CROCC2: variants seen among roughly 807,000 people sequenced by gnomAD.
The protein encoded by CROCC2 is ciliary rootlet coiled-coil protein 2.
In CROCC2, 163 loss-of-function variants were observed where a neutral mutation model predicts 177.6. That is an observed-to-expected ratio of 0.92 (90% CI 0.81 to 1.05). CROCC2 has a LOEUF of 1.05. CROCC2 is among the 50% of genes least tolerant of loss of function. The probability of loss-of-function intolerance (pLI) is 0.00; values close to 1 mark genes in which losing one functional copy is unlikely to be tolerated. For synonymous variants in CROCC2, 904 were observed against 787.3 expected (o/e 1.15, Z -2.48); for missense variants, 1,929 against 1,797.8 (o/e 1.07, Z -1.32).
intron 13 of CROCC2, 86 bp from the exon 14 acceptor site, chr2:240,935,272 G>A: frequency 2.4e-6 from 3 of 1,263,562 alleles, no homozygotes; most frequent in Non-Finnish European, 3.1e-6. Flanking sequence ...GGAAGACAGT[G>A]CCCCGGGGCA....
In CROCC2 at chr2:240,960,460, G is replaced by A. The variant is rs984674595; in HGVS notation, c.3087+1016G>A. On this transcript the variant is annotated intron_variant, in intron 20 of 31. Transcript: ENST00000690015. The surrounding 1 kb of genome is among the most constrained non-coding windows in gnomAD (Gnocchi z 5.0). Reference sequence around the variant, plus strand: ...AGGGCTAGGCTCACCTGGGCTCAGCGGGCAGGCAGATTGGAGAGGCATTTC... The same window carrying A: ...AGGGCTAGGCTCACCTGGGCTCAGCAGGCAGGCAGATTGGAGAGGCATTTC... Among the ~76,000 whole-genome samples the A allele has an allele frequency of 1.3e-5, 2 of 152,014 alleles. No individual in the cohort carries two copies. The highest frequency in any genetic ancestry group is 2.4e-5 in the African/African-American group (1 of 41,406).
At chr2:240,961,635 T>G (rs2059636140) in intron 20 of CROCC2, among the ~76,000 whole-genome samples, 2 of 108,726 alleles carry the variant, frequency 1.8e-5, no homozygotes, top group African/African-American at 3.7e-5. Context: ...ATGCACACGC[T>G]CATCACACAC....
At chr2:240,961,640 A>G (rs1385666697) in intron 20 of CROCC2, among the ~76,000 whole-genome samples, 1 of 144,112 alleles carries the variant, frequency 6.9e-6, no homozygotes, top group Non-Finnish European at 1.5e-5. Flanking sequence ...CACGCTCATC[A>G]CACACGCTCA....
rs938046069 is a variant in CROCC2 at position 240,959,297 on chromosome 2, G to T, written c.2944-4G>T. On this transcript the variant is annotated splice_region_variant and splice_polypyrimidine_tract_variant and intron_variant, in intron 19 of 31. Coordinates refer to ENST00000690015, the MANE Select transcript of CROCC2 (RefSeq NM_001351305.2). ...TGCCACCGTGGGCTCCCTTCTCCCCGCAGGCCACCATCAGTGCCACGACTG... is the reference window on the plus strand; with the variant it reads ...TGCCACCGTGGGCTCCCTTCTCCCCTCAGGCCACCATCAGTGCCACGACTG... 5 of 1,549,794 alleles carry T rather than the reference G, an allele frequency of 3.2e-6. No individual in the cohort carries two copies. In the South Asian group the frequency reaches 4.8e-5, roughly 15 times the overall value.
intron 5 of CROCC2, among the ~76,000 whole-genome samples, chr2:240,926,836 G>A (rs905532322): frequency 5.3e-5 from 8 of 152,262 alleles, no homozygotes; most frequent in African/African-American, 1.9e-4. Flanking sequence ...AGCGGGAGCC[G>A]TGCTATCAGC....
chr2:240,982,570 A>G lies in CROCC2; in HGVS notation c.4402-310A>G, dbSNP rs528854822. 2.0e-5 allele frequency: 5 copies of G among 244,464 alleles called. No homozygotes were observed. The highest frequency in any genetic ancestry group is 3.9e-5 in the Non-Finnish European group (5 of 128,572). 15.1% of individuals were successfully genotyped at this position (244,464 alleles called of 1,614,324 possible). On this transcript the variant is annotated intron_variant, in intron 27 of 31. Coordinates refer to ENST00000690015, the MANE Select transcript of CROCC2 (RefSeq NM_001351305.2). The surrounding 1 kb of genome is among the most constrained non-coding windows in gnomAD (Gnocchi z 4.7). ...AGGCTGGAGGCAGGGCAGGGATGCC[A>G]CTGATGTGCCCTCTGAGACCACTGG...
chr2:240,966,993 T>C (rs1288848754), intron 25 of CROCC2, among the ~76,000 whole-genome samples: 2 of 151,254 alleles, frequency 1.3e-5, no homozygotes, highest in Non-Finnish European at 2.9e-5. Context: ...CCGTCTGCAC[T>C]CAGCCCCAAG....
At chr2:240,964,145 C>T in intron 21 of CROCC2, 1 of 538,288 alleles carries the variant, frequency 1.9e-6, no homozygotes, top group Admixed American at 3.2e-5. Flanking sequence ...TGGCACAGCC[C>T]TCACAGCAGG....
In CROCC2 at chr2:240,984,437, C is replaced by G. The variant is rs1009590623; in HGVS notation, c.4551+1408C>G. 2.6e-5 allele frequency among the ~76,000 whole-genome samples: 4 copies of G among 151,836 alleles called. 1 individual carries two copies. Among genetic ancestry groups the G allele is most frequent in the African/African-American group, 9.7e-5 (4 of 41,262 alleles). On this transcript the variant is annotated intron_variant, in intron 28 of 31. Transcript: ENST00000690015. Reference sequence around the variant, plus strand: ...AGCTTCTGGGAGCCTGCACCCCAGCCGTCACTCTGGGCCCACCGAGGAGGA... The same window carrying G: ...AGCTTCTGGGAGCCTGCACCCCAGCGGTCACTCTGGGCCCACCGAGGAGGA...
intron 5 of CROCC2, among the ~76,000 whole-genome samples, chr2:240,927,399 C>T (rs183101095): frequency 6.6e-5 from 10 of 152,202 alleles, no homozygotes; most frequent in South Asian, 2.1e-4. Context: ...CTCTGAGCTC[C>T]GGCTAGACAT....
intron 31 of CROCC2, 49 bp from the exon 32 acceptor site, chr2:240,993,017 G>A (rs34355701): frequency 1.4e-6 from 1 of 713,574 alleles, no homozygotes; most frequent in East Asian, 2.7e-5. Flanking sequence ...GAGCCCCCAT[G>A]TGTCCCCGGG....
In CROCC2 at chr2:240,934,916, G is replaced by C; in HGVS notation, c.1792G>C (p.Ala598Pro). The change falls in exon 13 of 32, where the codon GCC (alanine) becomes CCC (proline). Residue 598 changes from alanine to proline, a missense_variant and splice_region_variant. Physicochemically the swap from Ala to Pro is conservative, Grantham distance 27. This residue lies in a region of CROCC2 where 1,397 missense variants were observed against 1,239.9 expected (regional missense o/e 1.13). Transcript: ENST00000690015. Reference protein sequence around the residue: ...REGLRSALARAECSNADLELL... With the variant: ...REGLRSALARPECSNADLELL... ...CCTGGCATCCCCCTCCCTGCCCCAG[G>C]CCGAGTGCAGCAATGCGGACCTGGA... The C allele has an allele frequency of 2.6e-6, 4 of 1,509,648 alleles. No individual in the cohort carries two copies. Among genetic ancestry groups the C allele is most frequent in the Non-Finnish European group, 3.5e-6 (4 of 1,128,504 alleles). 93.5% of individuals were successfully genotyped at this position (1,509,648 alleles called of 1,614,324 possible).
chr2:240,910,191 GC>G (rs915628531), intron 1 of CROCC2, among the ~76,000 whole-genome samples: 50 of 152,240 alleles, frequency 3.3e-4, no homozygotes, highest in African/African-American at 1.2e-3. Flanking sequence ...GGAGTGCAAA[GC>G]CCCCTGAAAT....
Position 240,964,459 on chromosome 2 carries a change from T to C in CROCC2, c.3306-7T>C. The C allele has an allele frequency of 6.5e-7, 1 of 1,548,334 alleles. No individual in the cohort carries two copies. The highest frequency in any genetic ancestry group is 8.7e-7 in the Non-Finnish European group (1 of 1,146,734). ...GCGGGGGCCCCAGCCTGTGGCACCC[T>C]CGTCAGTTTTAAGCGGTCCAAGGAG... On this transcript the variant is annotated splice_region_variant and splice_polypyrimidine_tract_variant and intron_variant, in intron 21 of 31. Transcript: ENST00000690015.
In CROCC2 at chr2:240,925,881, G is replaced by A; in HGVS notation, c.645+1G>A. The A allele has an allele frequency of 1.4e-6, 1 of 711,484 alleles. No individual in the cohort carries two copies. Among genetic ancestry groups the A allele is most frequent in the South Asian group, 1.5e-5 (1 of 67,148 alleles). 44.1% of individuals were successfully genotyped at this position (711,484 alleles called of 1,614,324 possible). The stretch of plus-strand genomic sequence containing the variant: ...GCTGAGGCGCTGGGCCCAGAGACAG[G>A]TGCTCCCCCAACCCTTGCTCACCTC... On this transcript the variant is annotated splice_donor_variant, in intron 5 of 31. Coordinates refer to ENST00000690015, the MANE Select transcript of CROCC2 (RefSeq NM_001351305.2). LOFTEE classifies it high-confidence loss of function.
chr2:240,919,413 T>C (rs2059343853), intron 2 of CROCC2, among the ~76,000 whole-genome samples: 1 of 152,146 alleles, frequency 6.6e-6, no homozygotes, highest in Non-Finnish European at 1.5e-5. Flanking sequence ...CTGCCTGTCC[T>C]GCACCCGCCC....
At chr2:240,977,048 C>T (rs2059771437) in intron 27 of CROCC2, among the ~76,000 whole-genome samples, 1 of 56,194 alleles carries the variant, frequency 1.8e-5, no homozygotes, top group Non-Finnish European at 3.3e-5. Flanking sequence ...CATCCCTGCT[C>T]AAGCTCTGGG....
chr2:240,967,626 G>T lies in CROCC2; in HGVS notation c.4267+161G>T. ...AAACCACCAGGCCTGGCGAGGCTGG[G>T]TCAGCGCTTGGCATCGGAGTTCTCA... On this transcript the variant is annotated intron_variant, in intron 26 of 31. Transcript: ENST00000690015. 4.1e-6 allele frequency: 4 copies of T among 972,458 alleles called. No individual in the cohort carries two copies. The Middle Eastern group carries it at 1.6e-3, about 384-fold the overall frequency. The allele number at this position is 972,458 out of a possible 1,614,324, so 60.2% of individuals were successfully genotyped here.
intron 28 of CROCC2, among the ~76,000 whole-genome samples, chr2:240,986,799 G>C (rs554542243): frequency 2.0e-5 from 3 of 152,352 alleles, no homozygotes; most frequent in Admixed American, 6.5e-5. Flanking sequence ...ACCAGCTGTG[G>C]GCCCAGGGTT....
Sources: allele counts gnomAD v4.1 joint callset (sites outside exome capture counted in the v4.1 genomes callset), GRCh38; gene constraint gnomAD v4.1.1; regional missense constraint gnomAD v4.1.1; non-coding constraint Gnocchi (gnomAD v3.1); transcripts MANE v1.5; gene names NCBI Gene and HGNC (gene_info 2026-07-23, HGNC 2026-07-21).